GRM6: variants seen among roughly 807,000 people sequenced by gnomAD.
The protein encoded by GRM6 is glutamate metabotropic receptor 6.
A neutral mutation model predicts 78.4 loss-of-function variants in GRM6; 73 were observed. The ratio of observed to expected loss-of-function variants is 0.93; its 90% CI spans 0.77 to 1.13. The LOEUF (loss-of-function observed/expected upper bound fraction) is 1.13, where lower values mean the gene tolerates loss of function less well. Among genes scored for constraint, GRM6 ranks in the 50% most tolerant of loss-of-function variants. GRM6 has a pLI of 0.00. For synonymous variants in GRM6, 580 were observed against 555.0 expected (o/e 1.05, Z -0.63); for missense variants, 1,251 against 1,256.4 (o/e 1.00, Z 0.07).
chr5:178,981,417 G>C lies in GRM6; in HGVS notation c.*240C>G. On this transcript the variant is annotated 3_prime_UTR_variant, in exon 11 of 11. Coordinates refer to ENST00000517717, the MANE Select transcript of GRM6 (RefSeq NM_000843.4). The surrounding 1 kb of genome is among the most constrained non-coding windows in gnomAD (Gnocchi z 5.1). ...TAGAGCTAGAACCTTCTCGGTGGCTGTTTCCCACCATGGGAAGCGAGTCTG... is the reference window on the plus strand; with the variant it reads ...TAGAGCTAGAACCTTCTCGGTGGCTCTTTCCCACCATGGGAAGCGAGTCTG... 1 of 544,696 alleles carries C rather than the reference G, an allele frequency of 1.8e-6. No individual in the cohort carries two copies. Among genetic ancestry groups the C allele is most frequent in the Non-Finnish European group, 3.3e-6 (1 of 303,928 alleles). The allele number at this position is 544,696 out of a possible 1,614,324, so 33.7% of individuals were successfully genotyped here.
Position 178,983,093 on chromosome 5 carries a change from G to A in GRM6, c.2253C>T (p.Leu751=), listed in dbSNP as rs776142182. ...GGAGGCTGTAGCCCAGGCAGCCGAT[G>A]AGAGACAGATCCGACATGTCGCACT... is the stretch of plus-strand genomic sequence containing the variant. ...VLKCDMSDLS[L]IGCLGYSLLL... Residue 751 remains leucine, a synonymous_variant, in exon 10 of 11, where the codon CTC becomes CTT. Coordinates refer to ENST00000517717, the MANE Select transcript of GRM6 (RefSeq NM_000843.4). 6 of 1,614,074 alleles carry A rather than the reference G, an allele frequency of 3.7e-6. No individual in the cohort carries two copies. In the African/African-American group the frequency reaches 8.0e-5, roughly 22 times the overall value.
Position 178,986,524 on chromosome 5 carries a change from A to G in GRM6, c.1730T>C (p.Val577Ala), listed in dbSNP as rs1175548149. The change falls in exon 9 of 11, where the codon GTG (valine) becomes GCG (alanine). Residue 577 changes from valine to alanine, a missense_variant. Coordinates refer to ENST00000517717, the MANE Select transcript of GRM6 (RefSeq NM_000843.4). ...NHTGCRPTPV[V>A]RLSWSSPWAA... is the part of the protein sequence containing the mutation. The stretch of plus-strand genomic sequence containing the variant: ...CCAGGGGGAGGACCAGCTCAGGCGC[A>G]CCACAGGTGTGGGGCGGCAGCCCGT... The G allele has an allele frequency of 6.2e-7, 1 of 1,608,472 alleles. No homozygotes were observed. Among genetic ancestry groups the G allele is most frequent in the South Asian group, 1.1e-5 (1 of 90,966 alleles).
In GRM6 at chr5:178,989,406, C is replaced by T; in HGVS notation, c.1013-1G>A. The T allele has an allele frequency of 6.2e-7, 1 of 1,614,096 alleles. No homozygotes were observed. Among genetic ancestry groups the T allele is most frequent in the South Asian group, 1.1e-5 (1 of 91,078 alleles). On this transcript the variant is annotated splice_acceptor_variant, in intron 5 of 10. Transcript: ENST00000517717. LOFTEE classifies it high-confidence loss of function. ...CGAGTCATGAAGTACTGGTCAAATC[C>T]TACAGACAGGGAAGAAGGGGGAGGG...
rs148831419 is a variant in GRM6, at chr5:178,988,997, G to C, written c.1292C>G (p.Pro431Arg). The C allele has an allele frequency of 6.2e-7, 1 of 1,614,008 alleles. No individual in the cohort carries two copies. Among genetic ancestry groups the C allele is most frequent in the Non-Finnish European group, 8.5e-7 (1 of 1,179,976 alleles). ...ALCPGHTGLC[P>R]AMEPTDGRML... ...CCGCCCATCAGTGGGTTCCATCGCC[G>C]GGCACAGGCCTGTGTGCCCAGGGCA... The change falls in exon 7 of 11, where the codon CCG becomes CGG. Residue 431 changes from proline to arginine, a missense_variant. Coordinates refer to ENST00000517717, the MANE Select transcript of GRM6 (RefSeq NM_000843.4). The surrounding 1 kb of genome is among the most constrained non-coding windows in gnomAD (Gnocchi z 6.0).
chr5:178,983,462 T>C (rs1413660578), intron 9 of GRM6: 1 of 688,886 alleles, frequency 1.5e-6, no homozygotes, highest in Admixed American at 2.0e-5. Flanking sequence ...GGAGAAGGGC[T>C]GTGCCGCCCG....
chr5:178,994,122 A>C (rs1442623572), intron 2 of GRM6, among the ~76,000 whole-genome samples: 1 of 152,136 alleles, frequency 6.6e-6, no homozygotes, highest in African/African-American at 2.4e-5. Flanking sequence ...TGCCCAGAAC[A>C]AGGGCACCCG....
At chr5:178,987,599 G>A (rs868860793) in intron 7 of GRM6, 39 of 376,516 alleles carry the variant, frequency 1.0e-4, no homozygotes, top group African/African-American at 1.9e-4. Flanking sequence ...AGGAGGTACC[G>A]AGGGTAGACA....
At chr5:178,982,698 A>T (rs199637622) in intron 10 of GRM6, 2 of 394,926 alleles carry the variant, frequency 5.1e-6, no homozygotes, top group Non-Finnish European at 8.8e-6. Context: ...ATGATAAAAA[A>T]AAAAAAGAAA....
At chr5:178,985,638 G>A in intron 9 of GRM6, 1 of 377,608 alleles carries the variant, frequency 2.6e-6, no homozygotes, top group Non-Finnish European at 5.2e-6. Context: ...GGAAGGCAGA[G>A]CTTGCAGGGA....
rs149199617 is a variant in GRM6 at position 178,986,675 on chromosome 5, G to A, written c.1579C>T (p.Arg527Trp). ...GGGACGCCCTTCACCATCTTCTTCC[G>A]CTCCCCCGGCCCGCAGGGCAGGCTG... Reference protein sequence around the residue: ...LCSLPCGPGERKKMVKGVPCC... With the variant: ...LCSLPCGPGEWKKMVKGVPCC... The change falls in exon 9 of 11, where the codon CGG becomes TGG. Residue 527 changes from arginine to tryptophan, a missense_variant. Arg to Trp is a moderately radical substitution (Grantham distance 101, BLOSUM62 -3). Transcript: ENST00000517717. 1.8e-4 allele frequency: 286 copies of A among 1,603,200 alleles called. 1 individual carries two copies. In the East Asian group the frequency reaches 2.2e-3, roughly 12 times the overall value.
chr5:178,985,381 AG>A (rs941302812), intron 9 of GRM6: 7 of 373,332 alleles, frequency 1.9e-5, no homozygotes, highest in African/African-American at 9.1e-5. Flanking sequence ...ACAGGAGGGG[AG>A]GGGCTCCATT....
At chr5:178,982,716 G>C (rs1192513280) in intron 10 of GRM6, 194 bp downstream of exon 10, 7 of 517,362 alleles carry the variant, frequency 1.4e-5, no homozygotes, top group Non-Finnish European at 2.0e-5. Flanking sequence ...AAAAAAAGAA[G>C]AGTGGAAGTT....
chr5:178,981,655 T>A lies in GRM6; in HGVS notation c.*2A>T. 1.2e-6 allele frequency: 2 copies of A among 1,611,554 alleles called. No individual in the cohort carries two copies. On this transcript the variant is annotated 3_prime_UTR_variant, in exon 11 of 11. Transcript: ENST00000517717. The surrounding 1 kb of genome is among the most constrained non-coding windows in gnomAD (Gnocchi z 5.1). Reference sequence around the variant, plus strand: ...CAAGCAGTCCCGTTCCCACCTGCCCTGCTACTTGTGGGCCTCTGCATCCTC... The same window carrying A: ...CAAGCAGTCCCGTTCCCACCTGCCCAGCTACTTGTGGGCCTCTGCATCCTC...
At chr5:178,985,618 G>C (rs754632386) in intron 9 of GRM6, 5 of 363,380 alleles carry the variant, frequency 1.4e-5, no homozygotes, top group South Asian at 1.0e-4. Context: ...CAGGAGAATG[G>C]CGTGAACCCG....
At chr5:178,987,651 G>A (rs1760594476) in intron 7 of GRM6, among the ~76,000 whole-genome samples, 1 of 152,204 alleles carries the variant, frequency 6.6e-6, no homozygotes. Flanking sequence ...GCAGGTGCTG[G>A]CGGGAGGAGG....
Position 178,981,938 on chromosome 5 carries a change from A to G in GRM6, c.2437-84T>C. 1.1e-6 allele frequency: 1 copy of G among 905,252 alleles called. No homozygotes were observed. The highest frequency in any genetic ancestry group is 1.9e-6 in the Non-Finnish European group (1 of 536,088). 56.1% of individuals were successfully genotyped at this position (905,252 alleles called of 1,614,324 possible). On this transcript the variant is annotated intron_variant, in intron 10 of 10. Coordinates refer to ENST00000517717, the MANE Select transcript of GRM6 (RefSeq NM_000843.4). This position sits in a 1 kb window ranked among gnomAD's most constrained non-coding sequence, Gnocchi z 5.1. ...ACACAGTCCTCACCACATACTCTGGAGCTGAGTCTGTTTCAGTTGGGGAAC... is the reference window on the plus strand; with the variant it reads ...ACACAGTCCTCACCACATACTCTGGGGCTGAGTCTGTTTCAGTTGGGGAAC...
rs1174592722 is a variant in GRM6, at chr5:178,982,944, G to C, written c.2402C>G (p.Pro801Arg). ...TGACTGGGCAGTGCCAAAGAAGATG[G>C]GCACGAATGCCAGCCAGATGATGCA... ...TTCIIWLAFV[P>R]IFFGTAQSAE... The change falls in exon 10 of 11, where the codon CCC (proline) becomes CGC (arginine). Residue 801 changes from proline (P) to arginine (R), a missense_variant. Coordinates refer to ENST00000517717, the MANE Select transcript of GRM6 (RefSeq NM_000843.4). 6.2e-7 allele frequency: 1 copy of C among 1,614,166 alleles called. No individual in the cohort carries two copies. Among genetic ancestry groups the C allele is most frequent in the East Asian group, 2.2e-5 (1 of 44,882 alleles).
At chr5:178,990,510 C>T in intron 5 of GRM6, 82 bp downstream of exon 5, 1 of 1,138,124 alleles carries the variant, frequency 8.8e-7, no homozygotes, top group Non-Finnish European at 1.3e-6. Flanking sequence ...GCACCAATTA[C>T]ACAGATGCAG....
At chr5:178,989,217 A>AACC in intron 6 of GRM6, 48 bp downstream of exon 6, 6 of 954,812 alleles carry the variant, frequency 6.3e-6, no homozygotes, top group Middle Eastern at 3.3e-4. Context: ...CCCCACCCTC[A>AACC]CCACCCTCCC....
Sources: gnomAD v4.1 joint callset for allele counts (sites outside exome capture counted in the v4.1 genomes callset) on GRCh38, gnomAD v4.1.1 for gene constraint, Gnocchi (gnomAD v3.1) non-coding constraint, MANE v1.5 for transcripts, NCBI Gene and HGNC (gene_info 2026-07-23, HGNC 2026-07-21) for gene names.